GTF2I: variants seen among roughly 807,000 people sequenced by gnomAD.
GTF2I encodes general transcription factor II-I.
In GTF2I, 12 loss-of-function variants were observed where a neutral mutation model predicts 67.6. That is an observed-to-expected ratio of 0.18 (90% confidence interval 0.11 to 0.29). The LOEUF is 0.29. GTF2I is among the 10% of genes least tolerant of loss of function. The probability of loss-of-function intolerance (pLI) is 1.00; values close to 1 mark genes in which losing one functional copy is unlikely to be tolerated. For synonymous variants in GTF2I, 149 were observed against 197.0 expected (o/e 0.76, Z 2.04); for missense variants, 271 against 580.1 (o/e 0.47, Z 5.47).
intron 24 of GTF2I, among the ~76,000 whole-genome samples, chr7:74,748,456 TG>T (rs1442380007): frequency 6.7e-6 from 1 of 150,108 alleles, no homozygotes; most frequent in Non-Finnish European, 1.5e-5. Context: ...GGGGGCATTT[TG>T]GGGGTTTTCA....
rs1792309938 is a variant in GTF2I, at chr7:74,716,723, T to C, written c.824-171T>C. The C allele has an allele frequency of 9.5e-6, 5 of 525,674 alleles. No individual in the cohort carries two copies. The South Asian group carries it at 1.5e-4, about 16-fold the overall frequency. 32.6% of individuals were successfully genotyped at this position (525,674 alleles called of 1,614,324 possible). A position where few individuals can be genotyped will look rare whatever the true frequency, so the allele number is the denominator to read the frequency against. ...TTTTAGCTTCCAAATAGAAGCGTTGTATTCTTTTCTGAATTAGAAAACATT... is the reference window on the plus strand; with the variant it reads ...TTTTAGCTTCCAAATAGAAGCGTTGCATTCTTTTCTGAATTAGAAAACATT... On this transcript the variant is annotated intron_variant, in intron 10 of 34. Transcript: ENST00000573035.
At chr7:74,716,041 G>A (rs999484416) in intron 10 of GTF2I, among the ~76,000 whole-genome samples, 15 of 151,986 alleles carry the variant, frequency 9.9e-5, no homozygotes, top group African/African-American at 2.9e-4. Context: ...CCCCTCAAGC[G>A]ATGTATTCTT....
At chr7:74,675,523 G>A (rs1554392111) in intron 1 of GTF2I, among the ~76,000 whole-genome samples, 1 of 152,012 alleles carries the variant, frequency 6.6e-6, no homozygotes, top group Admixed American at 6.6e-5. Flanking sequence ...TTTTAGTATT[G>A]AGGAATCCTA....
intron 6 of GTF2I, among the ~76,000 whole-genome samples, chr7:74,703,472 C>T (rs1411656611): frequency 1.3e-5 from 2 of 151,982 alleles, no homozygotes; most frequent in Non-Finnish European, 2.9e-5. Flanking sequence ...CTCTGCCTCC[C>T]GGGTTCAAGC....
intron 10 of GTF2I, among the ~76,000 whole-genome samples, chr7:74,715,357 T>G (rs1050115477): frequency 6.6e-6 from 1 of 152,110 alleles, no homozygotes; most frequent in Non-Finnish European, 1.5e-5. Context: ...TTCCCAAACT[T>G]GATACTCATA....
intron 1 of GTF2I, among the ~76,000 whole-genome samples, chr7:74,677,798 T>TAAAAAAAAAAAA (rs1806039310): frequency 5.0e-4 from 28 of 56,220 alleles, no homozygotes; most frequent in East Asian, 6.6e-4. Context: ...AAAAAAAAAG[T>TAAAAAAAAAAAA]AAATTTGGGT....
Position 74,700,252 on chromosome 7 carries a change from G to A in GTF2I, c.379G>A (p.Ala127Thr). 6.2e-7 allele frequency: 1 copy of A among 1,613,976 alleles called. No individual in the cohort carries two copies. The highest frequency in any genetic ancestry group is 8.5e-7 in the Non-Finnish European group (1 of 1,179,968). ...CCGCTTTTCATCTGCCCCAGGGAAA[G>A]CTTTAGGCAAATCCACAGTGGTACC... Reference protein sequence around the residue: ...EDYFCFCYGKALGKSTVVPVP... With the variant: ...EDYFCFCYGKTLGKSTVVPVP... The change falls in exon 5 of 35, where the codon GCT becomes ACT. Residue 127 changes from alanine (A) to threonine (T), a missense_variant. Transcript: ENST00000573035.
chr7:74,674,837 A>G (rs1424395444), intron 1 of GTF2I, among the ~76,000 whole-genome samples: 4 of 136,382 alleles, frequency 2.9e-5, no homozygotes, highest in Non-Finnish European at 4.7e-5. Flanking sequence ...ATGAGCCACT[A>G]TGCCCAGCCC....
intron 1 of GTF2I, among the ~76,000 whole-genome samples, chr7:74,659,985 G>A (rs1306022133): frequency 6.6e-6 from 1 of 152,156 alleles, no homozygotes; most frequent in Non-Finnish European, 1.5e-5. Flanking sequence ...CTGCGGAGGC[G>A]GGGTCTTCTC....
At chr7:74,707,948 C>T (rs1790975580) in intron 8 of GTF2I, among the ~76,000 whole-genome samples, 1 of 151,732 alleles carries the variant, frequency 6.6e-6, no homozygotes, top group Non-Finnish European at 1.5e-5. Context: ...ACATTTATAG[C>T]CAGGGTGCAG....
chr7:74,700,369 G>A lies in GTF2I; in HGVS notation c.496G>A (p.Asp166Asn). The A allele has an allele frequency of 6.2e-7, 1 of 1,614,136 alleles. No homozygotes were observed. The highest frequency in any genetic ancestry group is 8.5e-7 in the Non-Finnish European group (1 of 1,180,030). ...TGCCTTTAAACACCCCGAGAACTAT[G>A]ATCTTGCAACCCTGAAATGGATTTT... ...GVAFKHPENY[D>N]LATLKWILEN... The change falls in exon 5 of 35, where the codon GAT (aspartate) becomes AAT (asparagine). Residue 166 changes from aspartate to asparagine, a missense_variant. Coordinates refer to ENST00000573035, the MANE Select transcript of GTF2I (RefSeq NM_032999.4).
chr7:74,730,685 G>A (rs1485894188), intron 14 of GTF2I, among the ~76,000 whole-genome samples: 3 of 139,176 alleles, frequency 2.2e-5, no homozygotes, highest in Non-Finnish European at 3.1e-5. Context: ...AGTATTTGCT[G>A]AGATCCCCCT....
chr7:74,668,241 T>G (rs1320557449), intron 1 of GTF2I, among the ~76,000 whole-genome samples: 1 of 150,584 alleles, frequency 6.6e-6, no homozygotes, highest in Non-Finnish European at 1.5e-5. Context: ...TGTAGGATAT[T>G]ATCAAGTTCA....
intron 1 of GTF2I, among the ~76,000 whole-genome samples, chr7:74,678,992 G>A (rs781982653): frequency 8.6e-5 from 13 of 151,916 alleles, no homozygotes; most frequent in Non-Finnish European, 1.3e-4. Context: ...GGCTGGTCTC[G>A]AACTCCTGAC....
At chr7:74,717,641 C>T (rs1222620874) in intron 11 of GTF2I, among the ~76,000 whole-genome samples, 1 of 152,126 alleles carries the variant, frequency 6.6e-6, no homozygotes, top group African/African-American at 2.4e-5. Flanking sequence ...TTATTTCTCT[C>T]ATAAATTGGT....
At chr7:74,663,476 T>C (rs1161562473) in intron 1 of GTF2I, among the ~76,000 whole-genome samples, 1 of 152,004 alleles carries the variant, frequency 6.6e-6, no homozygotes, top group Admixed American at 6.6e-5. Flanking sequence ...TTCATAGAGA[T>C]GGGGTTTCAC....
intron 1 of GTF2I, among the ~76,000 whole-genome samples, chr7:74,673,530 C>T (rs587702664): frequency 2.0e-5 from 3 of 151,840 alleles, no homozygotes; most frequent in African/African-American, 7.2e-5. Flanking sequence ...TACAGGCATG[C>T]GCAGCCATGC....
rs148476109 is a variant in GTF2I, at chr7:74,675,881, G to A, written c.-5-13243G>A. 3.5e-3 allele frequency among the ~76,000 whole-genome samples: 526 copies of A among 152,156 alleles called. 11 individuals are homozygous for A. In the East Asian group the frequency reaches 0.039, roughly 11 times the overall value. On this transcript the variant is annotated intron_variant, in intron 1 of 34. Coordinates refer to ENST00000573035, the MANE Select transcript of GTF2I (RefSeq NM_032999.4). ...AAAAATTAGCTGGGCATGGTGATGG[G>A]CGCCTATAGTCCCAGCTACGCAGGA... is the stretch of plus-strand genomic sequence containing the variant.
intron 1 of GTF2I, among the ~76,000 whole-genome samples, chr7:74,686,386 G>GA (rs1262820553): frequency 6.6e-6 from 1 of 152,152 alleles, no homozygotes; most frequent in Non-Finnish European, 1.5e-5. Context: ...TTAAAGATGA[G>GA]AAAAAGTGGT....
Sources: allele counts gnomAD v4.1 joint callset (sites outside exome capture counted in the v4.1 genomes callset), GRCh38; gene constraint gnomAD v4.1.1; transcripts MANE v1.5; gene names NCBI Gene and HGNC (gene_info 2026-07-23, HGNC 2026-07-21).